Variants in POLR3E observed in about 807,000 individuals in gnomAD.
POLR3E encodes RNA polymerase III subunit E, also known as DNA-directed RNA polymerase III subunit RPC5.
POLR3E carries 41 observed loss-of-function variants against 96.6 expected under a neutral mutation model. That is an observed-to-expected ratio of 0.42 (90% CI 0.33 to 0.55). POLR3E has a LOEUF of 0.55. POLR3E is among the 20% of genes least tolerant of loss of function. POLR3E has a pLI of 0.06. For synonymous variants in POLR3E, 396 were observed against 383.6 expected (o/e 1.03, Z -0.38); for missense variants, 849 against 952.1 (o/e 0.89, Z 1.43).
In POLR3E at chr16:22,318,179, C is replaced by T. The variant is rs2048398483; in HGVS notation, c.866-647C>T. On this transcript the variant is annotated intron_variant, in intron 12 of 20. Coordinates refer to ENST00000299853, the MANE Select transcript of POLR3E (RefSeq NM_018119.4). This position sits in a 1 kb window ranked among gnomAD's most constrained non-coding sequence, Gnocchi z 5.0. ...CACAATCTCGGCTCACTGCAACCTC[C>T]GCCTCCCGGGTTCAAGCAATTCTCA... Among the ~76,000 whole-genome samples the T allele has an allele frequency of 6.6e-6, 1 of 151,990 alleles. No individual in the cohort carries two copies. Among genetic ancestry groups the T allele is most frequent in the African/African-American group, 2.4e-5 (1 of 41,352 alleles).
At chr16:22,299,219 T>G (rs1567304540) in intron 1 of POLR3E, among the ~76,000 whole-genome samples, 1 of 152,014 alleles carries the variant, frequency 6.6e-6, no homozygotes, top group Non-Finnish European at 1.5e-5. Context: ...ATAGATGATG[T>G]GCAAAGGACC....
Position 22,322,853 on chromosome 16 carries a change from C to T in POLR3E, c.990C>T (p.Asp330=). Residue 330 remains aspartate (D), a synonymous_variant, in exon 14 of 21, where the codon GAC becomes GAT. Coordinates refer to ENST00000299853, the MANE Select transcript of POLR3E (RefSeq NM_018119.4). The surrounding 1 kb of genome is among the most constrained non-coding windows in gnomAD (Gnocchi z 5.2). ...LVQGNWVVKS[D]ILYPKDSSSP... is the part of the protein sequence containing the mutation. ...CCATCCTCACCTGCATTGGCAGTGACATCCTATACCCCAAGGACTCGTCCA... is the reference window on the plus strand; with the variant it reads ...CCATCCTCACCTGCATTGGCAGTGATATCCTATACCCCAAGGACTCGTCCA... 2 of 1,611,634 alleles carry T rather than the reference C, an allele frequency of 1.2e-6. No homozygotes were observed. Among genetic ancestry groups the T allele is most frequent in the African/African-American group, 1.3e-5 (1 of 74,958 alleles).
chr16:22,326,288 GC>G lies in POLR3E; in HGVS notation c.1866+13del, dbSNP rs772410231. 9 of 761,824 alleles carry G rather than the reference GC, an allele frequency of 1.2e-5. No homozygotes were observed. Among genetic ancestry groups the G allele is most frequent in the Non-Finnish European group, 1.0e-5 (5 of 492,640 alleles). The allele number at this position is 761,824 out of a possible 1,614,324, so 47.2% of individuals were successfully genotyped here. ...GCAGATACTGGTGCCTGTAAGTAGA[GC>G]CCTGCCTGCCAGGGGCATGGGGGGT... On this transcript the variant is annotated intron_variant, in intron 18 of 20. Transcript: ENST00000299853.
Position 22,333,881 on chromosome 16 carries a change from T to C in POLR3E, c.*181T>C, listed in dbSNP as rs546826879. 11 of 547,956 alleles carry C rather than the reference T, an allele frequency of 2.0e-5. No individual in the cohort carries two copies. The Admixed American group carries it at 3.1e-4, about 15-fold the overall frequency. The allele number at this position is 547,956 out of a possible 1,614,324, so 33.9% of individuals were successfully genotyped here. On this transcript the variant is annotated 3_prime_UTR_variant, in exon 21 of 21. Coordinates refer to ENST00000299853, the MANE Select transcript of POLR3E (RefSeq NM_018119.4). ...ATCCTCAGCCAGTCGCAGGGTCAGC[T>C]TAAGTTAGTTAGATCACTCCCAGAA... is the stretch of plus-strand genomic sequence containing the variant.
At position 22,324,613 on chromosome 16, in the gene POLR3E, G is replaced by A. The variant is rs769328172; in HGVS notation, c.1239G>A (p.Pro413=). ...ATGGGGAGTTCATCAAGAAGCACCC[G>A]GATGTGGTCCAGCGGCAGCACATGC... The part of the protein sequence containing the change: ...PYDGEFIKKH[P]DVVQRQHMLW... The change falls in exon 16 of 21, where the codon CCG becomes CCA. Residue 413 remains proline (P), a synonymous_variant. Coordinates refer to ENST00000299853, the MANE Select transcript of POLR3E (RefSeq NM_018119.4). 1.4e-5 allele frequency: 23 copies of A among 1,613,710 alleles called. No individual in the cohort carries two copies. The African/African-American group carries it at 1.5e-4, about 10-fold the overall frequency.
At chr16:22,305,467 C>T (rs1454366526) in intron 3 of POLR3E, 1 of 675,980 alleles carries the variant, frequency 1.5e-6, no homozygotes, top group Non-Finnish European at 2.7e-6. Flanking sequence ...AGATCCAACT[C>T]CATCACACCA....
chr16:22,313,079 G>A lies in POLR3E; in HGVS notation c.365-541G>A, dbSNP rs1180838446. Among the ~76,000 whole-genome samples the A allele has an allele frequency of 6.6e-6, 1 of 151,466 alleles. No homozygotes were observed. The highest frequency in any genetic ancestry group is 1.5e-5 in the Non-Finnish European group (1 of 68,000). On this transcript the variant is annotated intron_variant, in intron 6 of 20. Coordinates refer to ENST00000299853, the MANE Select transcript of POLR3E (RefSeq NM_018119.4). This position sits in a 1 kb window ranked among gnomAD's most constrained non-coding sequence, Gnocchi z 4.1. ...CCCTTGCAGCGGGAGGGAAAGTCAT[G>A]ATCTTTATCAGAGGCCATGTGGACA...
chr16:22,327,435 A>AGTT (rs2048622887), intron 18 of POLR3E: 2 of 152,236 alleles, frequency 1.3e-5, no homozygotes, highest in South Asian at 4.1e-4. Context: ...GCCTGACATT[A>AGTT]GTTGTTTTGG....
At chr16:22,311,595 C>A (rs2048248300) in intron 6 of POLR3E, among the ~76,000 whole-genome samples, 1 of 151,774 alleles carries the variant, frequency 6.6e-6, no homozygotes, top group South Asian at 2.1e-4. Context: ...TGAGCTCAAG[C>A]AATTGCCTTC....
Position 22,315,193 on chromosome 16 carries a change from T to C in POLR3E, c.627T>C (p.His209=), listed in dbSNP as rs1479451689. ...CAGAGGAGCCCTGGGTCCACCTGCA[T>C]TACTATGGCCTGAGGGTGAGCGGGG... ...KHAEEPWVHL[H]YYGLRDSRSE... is the part of the protein sequence containing the mutation. Residue 209 remains histidine, a synonymous_variant, in exon 9 of 21, where the codon CAT becomes CAC. Transcript: ENST00000299853. The C allele has an allele frequency of 6.3e-7, 1 of 1,596,152 alleles. No individual in the cohort carries two copies. The highest frequency in any genetic ancestry group is 1.8e-5 in the Admixed American group (1 of 57,046).
intron 2 of POLR3E, among the ~76,000 whole-genome samples, chr16:22,304,607 G>A (rs1217924719): frequency 6.6e-6 from 1 of 152,144 alleles, no homozygotes; most frequent in East Asian, 1.9e-4. Flanking sequence ...CCAGGGGTAG[G>A]AGAGCATGTG....
rs1424854572 is a variant in POLR3E at position 22,318,242 on chromosome 16, C to T, written c.866-584C>T. Reference sequence around the variant, plus strand: ...TGGAGTAGCTGGGACTACAGGTGCCCGCCATCACGCCCAGCTAATTTTTGT... The same window carrying T: ...TGGAGTAGCTGGGACTACAGGTGCCTGCCATCACGCCCAGCTAATTTTTGT... On this transcript the variant is annotated intron_variant, in intron 12 of 20. Coordinates refer to ENST00000299853, the MANE Select transcript of POLR3E (RefSeq NM_018119.4). This position sits in a 1 kb window ranked among gnomAD's most constrained non-coding sequence, Gnocchi z 5.0. Among the ~76,000 whole-genome samples, 5 of 152,098 alleles carry T rather than the reference C, an allele frequency of 3.3e-5. No individual in the cohort carries two copies. In the East Asian group the frequency reaches 9.6e-4, roughly 29 times the overall value.
rs777596580 is a variant in POLR3E, at chr16:22,328,557, C to G, written c.1914C>G (p.Ala638=). ...AASPDEQKVF[A]LWESGDMSDQ... is the part of the protein sequence containing the mutation. ...CCCCGGATGAGCAGAAGGTGTTTGC[C>G]CTCTGGGAGTCTGGAGACATGAGTG... The change falls in exon 19 of 21, where the codon GCC becomes GCG. Residue 638 remains alanine, a synonymous_variant. Transcript: ENST00000299853. 3.1e-6 allele frequency: 5 copies of G among 1,614,076 alleles called. No individual in the cohort carries two copies. In the Admixed American group the frequency reaches 8.3e-5, roughly 27 times the overall value.
In POLR3E at chr16:22,326,179, G is replaced by A. The variant is rs746320734; in HGVS notation, c.1767G>A (p.Leu589=). Residue 589 remains leucine, a synonymous_variant, in exon 18 of 21, where the codon TTG becomes TTA. Coordinates refer to ENST00000299853, the MANE Select transcript of POLR3E (RefSeq NM_018119.4). Reference sequence around the variant, plus strand: ...TCAAGCGCCTCTTCAATCTGCACTTGGCCAGCCTGCCCCCCGGCCACACAC... The same window carrying A: ...TCAAGCGCCTCTTCAATCTGCACTTAGCCAGCCTGCCCCCCGGCCACACAC... ...SELKRLFNLH[L]ASLPPGHTLF... 6 of 1,614,054 alleles carry A rather than the reference G, an allele frequency of 3.7e-6. No homozygotes were observed. The East Asian group carries it at 1.1e-4, about 30-fold the overall frequency.
chr16:22,309,900 C>T (rs933387583), intron 6 of POLR3E: 1 of 198,142 alleles, frequency 5.0e-6, no homozygotes, highest in Non-Finnish European at 1.0e-5. Flanking sequence ...CAAAACCATA[C>T]ACAGTTGTTC....
intron 6 of POLR3E, 111 bp downstream of exon 6, chr16:22,309,621 A>G (rs1007452359): frequency 3.7e-6 from 3 of 811,940 alleles, no homozygotes; most frequent in Admixed American, 1.8e-5. Flanking sequence ...AAAGCTAGAC[A>G]CCTGTGGGGG....
chr16:22,317,063 C>T (rs1385812988), intron 11 of POLR3E, 24 bp downstream of exon 11: 6 of 1,613,698 alleles, frequency 3.7e-6, no homozygotes, highest in South Asian at 1.1e-5. Flanking sequence ...GCAGGACACC[C>T]TCTCCCTTTC....
At chr16:22,317,710 A>T (rs1314800575) in intron 12 of POLR3E, among the ~76,000 whole-genome samples, 7 of 149,480 alleles carry the variant, frequency 4.7e-5, no homozygotes, top group Admixed American at 4.0e-4. Context: ...GGTTTTTTTT[A>T]AAGGTTTTGC....
intron 13 of POLR3E, among the ~76,000 whole-genome samples, chr16:22,321,610 C>A (rs913659358): frequency 6.6e-6 from 1 of 152,238 alleles, no homozygotes; most frequent in Non-Finnish European, 1.5e-5. Context: ...GACACTGGCC[C>A]AGAGAGGCAT....
Sources: allele counts gnomAD v4.1 joint callset (sites outside exome capture counted in the v4.1 genomes callset), GRCh38; gene constraint gnomAD v4.1.1; non-coding constraint Gnocchi (gnomAD v3.1); transcripts MANE v1.5; gene names NCBI Gene and HGNC (gene_info 2026-07-23, HGNC 2026-07-21).